The following GAS2L3 variants were observed in gnomAD, a reference collection of about 807,000 sequenced individuals.
The protein encoded by GAS2L3 is growth arrest specific 2 like 3, also known as GAS2-like protein 3.
A neutral mutation model predicts 37.0 loss-of-function variants in GAS2L3; 28 were observed. The observed-to-expected ratio is 0.76, with a 90% CI of 0.56 to 1.04. The LOEUF (loss-of-function observed/expected upper bound fraction) is 1.04, where lower values mean the gene tolerates loss of function less well. GAS2L3 is among the 50% of genes least tolerant of loss of function. GAS2L3 has a pLI of 0.00. For missense variants in GAS2L3, 793 were observed against 817.6 expected (o/e 0.97, Z 0.37); for synonymous variants, 290 against 296.6 (o/e 0.98, Z 0.23).
intron 6 of GAS2L3, 99 bp downstream of exon 6, chr12:100,612,240 TCA>T: frequency 2.2e-6 from 2 of 906,550 alleles, no homozygotes; most frequent in Admixed American, 2.2e-5. Context: ...CTCAAATGCC[TCA>T]TCTCATTTTC....
At chr12:100,578,414 G>C (rs889460061) in intron 1 of GAS2L3, among the ~76,000 whole-genome samples, 2 of 152,170 alleles carry the variant, frequency 1.3e-5, no homozygotes, top group African/African-American at 2.4e-5. Flanking sequence ...CATTTGATGA[G>C]GAGGAGGATG....
At chr12:100,608,658 A>T (rs1477590995) in intron 5 of GAS2L3, among the ~76,000 whole-genome samples, 1 of 152,008 alleles carries the variant, frequency 6.6e-6, no homozygotes, top group Non-Finnish European at 1.5e-5. Context: ...AGTAGCTGGG[A>T]CTACAGGCGC....
chr12:100,605,006 TG>T lies in GAS2L3; in HGVS notation c.303+3254del, dbSNP rs549954888. Among the ~76,000 whole-genome samples, 4 of 152,242 alleles carry T rather than the reference TG, an allele frequency of 2.6e-5. No homozygotes were observed. In the South Asian group the frequency reaches 8.3e-4, roughly 32 times the overall value. On this transcript the variant is annotated intron_variant, in intron 5 of 9. Transcript: ENST00000547754. The stretch of plus-strand genomic sequence containing the variant: ...TGTTGAATTCAGTTTGCTAGTATTT[TG>T]TTGAGGATTTTTGCATCAACATTCA...
intron 1 of GAS2L3, among the ~76,000 whole-genome samples, chr12:100,574,238 A>C (rs748819809): frequency 6.6e-6 from 1 of 152,126 alleles, no homozygotes; most frequent in Non-Finnish European, 1.5e-5. Flanking sequence ...TCTGTTCATC[A>C]TCCTCGGAAA....
intron 8 of GAS2L3, among the ~76,000 whole-genome samples, chr12:100,621,656 C>A (rs966496227): frequency 6.6e-6 from 1 of 151,834 alleles, no homozygotes; most frequent in African/African-American, 2.4e-5. Context: ...ATATTTCCCC[C>A]AAAATATTAG....
intron 3 of GAS2L3, among the ~76,000 whole-genome samples, chr12:100,598,401 A>C (rs893563771): frequency 1.3e-5 from 2 of 152,054 alleles, no homozygotes; most frequent in Admixed American, 1.3e-4. Flanking sequence ...TTTTTTCATG[A>C]CTAAACTCAG....
chr12:100,619,869 T>C (rs1250430009), intron 8 of GAS2L3, among the ~76,000 whole-genome samples: 1 of 152,048 alleles, frequency 6.6e-6, no homozygotes, highest in Non-Finnish European at 1.5e-5. Flanking sequence ...AGGTCTGTGT[T>C]CACACAAGAA....
chr12:100,623,972 AG>A lies in GAS2L3; in HGVS notation c.1169del (p.Gly390AlafsTer2). ...CTCATCCCAAGCTCAAGTCTTCAAA[AG>A]GCATAACGAAGAAACCGCAGGCTCC... ...SSHPKLKSSKGITKKPQAPSN... is the reference protein window; with the variant it reads ...SSHPKLKSSKXITKKPQAPSN... On this transcript the variant is annotated frameshift_variant, in exon 10 of 10. Transcript: ENST00000547754. LOFTEE classifies it low-confidence loss of function (END_TRUNC). 3 of 1,614,104 alleles carry A rather than the reference AG, an allele frequency of 1.9e-6. No individual in the cohort carries two copies. The highest frequency in any genetic ancestry group is 2.5e-6 in the Non-Finnish European group (3 of 1,180,006).
chr12:100,577,443 T>C (rs1333581528), intron 1 of GAS2L3, among the ~76,000 whole-genome samples: 1 of 152,220 alleles, frequency 6.6e-6, no homozygotes, highest in Admixed American at 6.5e-5. Flanking sequence ...AATTAAGTTA[T>C]TCAGGTTGGG....
intron 5 of GAS2L3, among the ~76,000 whole-genome samples, chr12:100,608,402 C>G (rs968258690): frequency 6.6e-6 from 1 of 152,220 alleles, no homozygotes; most frequent in Non-Finnish European, 1.5e-5. Flanking sequence ...CCTAAGTTCA[C>G]TCAAGGCTCT....
Position 100,601,670 on chromosome 12 carries a change from G to A in GAS2L3, c.220G>A (p.Glu74Lys), listed in dbSNP as rs748451537. The change falls in exon 5 of 10, where the codon GAA becomes AAA. Residue 74 changes from glutamate (E) to lysine (K), a missense_variant. Physicochemically the swap from Glu to Lys is moderately conservative, Grantham distance 56 (BLOSUM62 1). Transcript: ENST00000547754. ...AGTTAAGGCAGAAAAATTATTGGAAGAACTTGATAATGGAGTACTATTATG... is the reference window on the plus strand; with the variant it reads ...AGTTAAGGCAGAAAAATTATTGGAAAAACTTGATAATGGAGTACTATTATG... ...IKVKAEKLLE[E>K]LDNGVLLCQL... 1.9e-6 allele frequency: 3 copies of A among 1,593,570 alleles called. No individual in the cohort carries two copies. Among genetic ancestry groups the A allele is most frequent in the Admixed American group, 3.4e-5 (2 of 59,290 alleles).
intron 5 of GAS2L3, among the ~76,000 whole-genome samples, chr12:100,611,593 C>G (rs957891729): frequency 2.0e-5 from 3 of 152,094 alleles, no homozygotes; most frequent in African/African-American, 7.2e-5. Flanking sequence ...TGGGATGTAA[C>G]TACTCCACCT....
intron 3 of GAS2L3, among the ~76,000 whole-genome samples, chr12:100,596,358 TTTC>T (rs2136446612): frequency 6.6e-6 from 1 of 152,260 alleles, no homozygotes; most frequent in Admixed American, 6.5e-5. Context: ...GCCCATGTTT[TTTC>T]TTATTTCTAC....
intron 5 of GAS2L3, among the ~76,000 whole-genome samples, chr12:100,604,052 C>A (rs78399891): frequency 0.067 from 10,167 of 151,778 alleles, 425 homozygotes; most frequent in East Asian, 0.098. Context: ...CAATTTTGTT[C>A]TTTTTGCTCA....
chr12:100,581,487 G>A (rs1365983178), intron 1 of GAS2L3, among the ~76,000 whole-genome samples: 1 of 152,202 alleles, frequency 6.6e-6, no homozygotes, highest in African/African-American at 2.4e-5. Context: ...TCAGTATTGT[G>A]ATTATGAGAT....
rs2136623117 is a variant in GAS2L3 at position 100,626,847 on chromosome 12, T to G, written c.*1957T>G. The G allele has an allele frequency of 6.6e-6, 1 of 152,182 alleles. No individual in the cohort carries two copies. The allele number at this position is 152,182 out of a possible 1,614,324, so 9.4% of individuals were successfully genotyped here. On this transcript the variant is annotated 3_prime_UTR_variant, in exon 10 of 10. Transcript: ENST00000547754. ...ATTTGAGGCCAGGCAATCCCAGCAT[T>G]TTGGGAAGCCAAGTTGGGCAGATCA...
At chr12:100,587,904 T>A (rs1172617940) in intron 1 of GAS2L3, among the ~76,000 whole-genome samples, 1 of 151,936 alleles carries the variant, frequency 6.6e-6, no homozygotes, top group Admixed American at 6.6e-5. Flanking sequence ...TACAAAAAAT[T>A]AGCCAGGTGT....
At position 100,588,165 on chromosome 12, in the gene GAS2L3, C is replaced by T. The variant is rs148707889; in HGVS notation, c.-151-3571C>T. On this transcript the variant is annotated intron_variant, in intron 1 of 9. Coordinates refer to ENST00000547754, the MANE Select transcript of GAS2L3 (RefSeq NM_174942.3). The stretch of plus-strand genomic sequence containing the variant: ...ACCTTTAAAACCCTAAGGACTCCTC[C>T]AGAAAGCTCTTAGAACAGATAAAAT... Among the ~76,000 whole-genome samples, 428 of 152,318 alleles carry T rather than the reference C, an allele frequency of 2.8e-3. 3 individuals carry two copies. The highest frequency in any genetic ancestry group is 4.7e-3 in the Non-Finnish European group (322 of 68,028).
intron 1 of GAS2L3, among the ~76,000 whole-genome samples, chr12:100,582,671 CA>C (rs932725416): frequency 6.6e-6 from 1 of 152,036 alleles, no homozygotes; most frequent in Non-Finnish European, 1.5e-5. Context: ...ACCAGAATGA[CA>C]AAAAAACCCA....
Sources: allele counts gnomAD v4.1 joint callset (sites outside exome capture counted in the v4.1 genomes callset), GRCh38; gene constraint gnomAD v4.1.1; transcripts MANE v1.5; gene names NCBI Gene and HGNC (gene_info 2026-07-23, HGNC 2026-07-21).